Variants in DGKB observed in about 807,000 individuals in gnomAD.
DGKB encodes the protein diacylglycerol kinase beta.
In DGKB, 67 loss-of-function variants were observed where a neutral mutation model predicts 114.3. The observed-to-expected ratio is 0.59, with a 90% confidence interval of 0.48 to 0.72. The LOEUF is 0.72. Among genes scored for constraint, DGKB ranks in the 30% least tolerant of loss-of-function variants. The pLI, the probability that DGKB is intolerant of heterozygous loss-of-function variation, is 0.00. For synonymous variants in DGKB, 398 were observed against 323.1 expected, an observed-to-expected ratio of 1.23 and a Z score of -2.49; for missense variants, 907 against 975.2, an observed-to-expected ratio of 0.93 and a Z score of 0.93.
At position 14,618,376 on chromosome 7, in the gene DGKB, A is replaced by G. The variant is rs73680497; in HGVS notation, c.1284+3002T>C. On this transcript the variant is annotated intron_variant, in intron 15 of 25. Transcript: ENST00000402815. ...AGGTCCCCCTTTCTTTCTCGTGCTA[A>G]AAGTGTTACAAACTAGATTCGTTAC... Among the ~76,000 whole-genome samples the G allele has an allele frequency of 5.7e-3, 868 of 151,722 alleles. 8 individuals are homozygous for G. Among genetic ancestry groups the G allele is most frequent in the African/African-American group, 0.02 (816 of 41,518 alleles).
chr7:14,425,575 C>G (rs556583206), intron 21 of DGKB, among the ~76,000 whole-genome samples: 1 of 152,210 alleles, frequency 6.6e-6, no homozygotes, highest in South Asian at 2.1e-4. Flanking sequence ...CAGAAAGAAT[C>G]AATACAAGCA....
upstream of DGKB, among the ~76,000 whole-genome samples, chr7:14,906,814 T>G (rs1394269146): frequency 2.6e-5 from 4 of 152,220 alleles, no homozygotes; most frequent in Non-Finnish European, 5.9e-5. Context: ...TACTTTGTCA[T>G]GTTAATGTTT....
intron 23 of DGKB, among the ~76,000 whole-genome samples, chr7:14,196,401 AC>A (rs1403120662): frequency 6.6e-6 from 1 of 152,148 alleles, no homozygotes; most frequent in Non-Finnish European, 1.5e-5. Flanking sequence ...CTAACTGTTA[AC>A]AAGTTAGTAC....
intron 23 of DGKB, among the ~76,000 whole-genome samples, chr7:14,237,699 T>G (rs113964410): frequency 1.1e-4 from 16 of 152,126 alleles, no homozygotes; most frequent in African/African-American, 3.6e-4. Flanking sequence ...ATAATATGAT[T>G]ACCTAAGATA....
chr7:14,964,990 G>T (rs943317811), intron 1 of DGKB, among the ~76,000 whole-genome samples: 1 of 152,136 alleles, frequency 6.6e-6, no homozygotes, highest in African/African-American at 2.4e-5. Context: ...CTAGATCTGA[G>T]TAGTGAAAAA....
chr7:14,187,977 G>A (rs1282407815), intron 23 of DGKB, among the ~76,000 whole-genome samples: 2 of 151,990 alleles, frequency 1.3e-5, no homozygotes, highest in African/African-American at 4.8e-5. Context: ...TGATCCGAAT[G>A]AGAAATTCAA....
intron 2 of DGKB, among the ~76,000 whole-genome samples, chr7:14,834,764 A>G (rs1226769289): frequency 1.3e-5 from 2 of 152,206 alleles, no homozygotes; most frequent in Non-Finnish European, 1.5e-5. Flanking sequence ...AACATTCCAC[A>G]GATGCCATTA....
At chr7:14,678,452 GA>G (rs1820262668) in intron 12 of DGKB, among the ~76,000 whole-genome samples, 1 of 151,986 alleles carries the variant, frequency 6.6e-6, no homozygotes, top group Non-Finnish European at 1.5e-5. Context: ...AAGGGACCGG[GA>G]TGAACAAAAT....
chr7:14,751,198 G>A (rs1403450524), intron 4 of DGKB, among the ~76,000 whole-genome samples: 2 of 152,094 alleles, frequency 1.3e-5, no homozygotes, highest in Non-Finnish European at 2.9e-5. Flanking sequence ...ACAGAGTAAT[G>A]TTGGTTTTAA....
chr7:14,682,272 T>G (rs1820969357), intron 12 of DGKB, among the ~76,000 whole-genome samples: 1 of 152,036 alleles, frequency 6.6e-6, no homozygotes. Flanking sequence ...GGCCTCTGAT[T>G]ACCTTCCTGG....
chr7:14,962,455 T>G (rs185533056), intron 1 of DGKB, among the ~76,000 whole-genome samples: 13 of 152,174 alleles, frequency 8.5e-5, no homozygotes, highest in Admixed American at 2.6e-4. Context: ...TATTCTGAGG[T>G]ATAGAGTATG....
At chr7:14,973,641 T>G (rs1397723840) in intron 1 of DGKB, among the ~76,000 whole-genome samples, 1 of 150,036 alleles carries the variant, frequency 6.7e-6, no homozygotes, top group Non-Finnish European at 1.5e-5. Flanking sequence ...TAGCACCAAA[T>G]TATGCATTAG....
intron 1 of DGKB, among the ~76,000 whole-genome samples, chr7:14,852,487 C>CAAGAAAAAAAAAAAAAAAAAA (rs1849497067): frequency 3.1e-5 from 2 of 63,636 alleles, no homozygotes; most frequent in Non-Finnish European, 5.9e-5. Context: ...TAGTGAAAGT[C>CAAGAAAAAAAAAAAAAAAAAA]AAAAAAAAAA....
chr7:14,749,194 T>C (rs777962746), intron 4 of DGKB, among the ~76,000 whole-genome samples: 1 of 152,188 alleles, frequency 6.6e-6, no homozygotes, highest in Non-Finnish European at 1.5e-5. Context: ...GAAAAATTTA[T>C]ATTTTAAATA....
intron 25 of DGKB, among the ~76,000 whole-genome samples, chr7:14,174,746 C>T (rs764976525): frequency 3.3e-5 from 5 of 152,178 alleles, no homozygotes; most frequent in Admixed American, 1.3e-4. Flanking sequence ...ACCATCACCA[C>T]CTCTGCAATA....
chr7:14,284,196 C>T (rs62443696), intron 23 of DGKB, among the ~76,000 whole-genome samples: 15,614 of 148,156 alleles, frequency 0.11, 2,372 homozygotes, highest in African/African-American at 0.35. Flanking sequence ...AAAAAGTGGG[C>T]GAAGGACATG....
intron 23 of DGKB, among the ~76,000 whole-genome samples, chr7:14,238,009 A>G (rs7798177): frequency 0.013 from 1,959 of 152,140 alleles, 46 homozygotes; most frequent in African/African-American, 0.045. Context: ...GAATATGTCT[A>G]TTAGATTGGT....
chr7:14,566,534 C>T (rs752938157), intron 20 of DGKB, among the ~76,000 whole-genome samples: 4 of 152,118 alleles, frequency 2.6e-5, no homozygotes, highest in Non-Finnish European at 5.9e-5. Flanking sequence ...CCAACTATCA[C>T]CTTTAGTAGA....
In DGKB at chr7:14,718,664, G is replaced by A. The variant is rs1828630410; in HGVS notation, c.344C>T (p.Ala115Val). Reference sequence around the variant, plus strand: ...AGAAGTAGTCCGGGGAGGGGTGATGGCACCTTTATTCATTCTCAGACCTGG... The same window carrying A: ...AGAAGTAGTCCGGGGAGGGGTGATGACACCTTTATTCATTCTCAGACCTGG... ...LSGGLRMNKG[A>V]ITPPRTTSPA... The change falls in exon 6 of 26, where the codon GCC becomes GTC. Residue 115 changes from alanine (A) to valine (V), a missense_variant. Coordinates refer to ENST00000402815, the MANE Select transcript of DGKB (RefSeq NM_001350709.2). The A allele has an allele frequency of 3.7e-6, 6 of 1,609,928 alleles. No individual in the cohort carries two copies. The highest frequency in any genetic ancestry group is 1.3e-5 in the African/African-American group (1 of 74,784).
Sources: gnomAD v4.1 joint callset for allele counts (sites outside exome capture counted in the v4.1 genomes callset) on GRCh38, gnomAD v4.1.1 for gene constraint, MANE v1.5 for transcripts, NCBI Gene and HGNC (gene_info 2026-07-23, HGNC 2026-07-21) for gene names.